The following MID1 variants were observed in gnomAD, a reference collection of about 807,000 sequenced individuals.
MID1 encodes midline 1, also known as E3 ubiquitin-protein ligase Midline-1.
MID1 carries 7 observed loss-of-function variants against 40.4 expected under a neutral mutation model. The ratio of observed to expected loss-of-function variants is 0.17; its 90% CI spans 0.10 to 0.33. The LOEUF (loss-of-function observed/expected upper bound fraction) is 0.33, where lower values mean the gene tolerates loss of function less well. Among genes scored for constraint, MID1 ranks in the 10% least tolerant of loss-of-function variants. The pLI is 1.00. For missense variants in MID1, 367 were observed against 558.5 expected (o/e 0.66, Z 3.46); for synonymous variants, 229 against 221.2 (o/e 1.04, Z -0.31).
intron 1 of MID1, among the ~76,000 whole-genome samples, chrX:10,590,719 T>C (rs1334627782): frequency 1.8e-5 from 2 of 112,544 alleles, no homozygotes; most frequent in Middle Eastern, 8.5e-3. Context: ...ATTCTTCTTG[T>C]ATTATCAAAG....
chrX:10,538,307 T>G (rs1602370715), intron 2 of MID1, among the ~76,000 whole-genome samples: 1 of 111,789 alleles, frequency 8.9e-6, no homozygotes, highest in Non-Finnish European at 1.9e-5. Flanking sequence ...ATGCTCTTCA[T>G]GTCTTCTATC....
At chrX:10,665,677 G>A (rs770435053) in intron 1 of MID1, among the ~76,000 whole-genome samples, 3 of 109,216 alleles carry the variant, frequency 2.7e-5, no homozygotes, top group South Asian at 4.1e-4. Flanking sequence ...GCAGGCACAC[G>A]CCACCACACC....
chrX:10,668,946 G>A (rs775723130), intron 1 of MID1, among the ~76,000 whole-genome samples: 394 of 111,629 alleles, frequency 3.5e-3, no homozygotes, highest in African/African-American at 0.012. Context: ...ACGGCCGGGC[G>A]CGGTGGCTCA....
intron 1 of MID1, among the ~76,000 whole-genome samples, chrX:10,712,632 T>G (rs1243644752): frequency 9.0e-6 from 1 of 110,499 alleles, no homozygotes; most frequent in Non-Finnish European, 1.9e-5. Flanking sequence ...ACCCACTTGG[T>G]CCTCTTCCAA....
chrX:10,777,476 C>A (rs1249565579), intron 1 of MID1, among the ~76,000 whole-genome samples: 1 of 110,683 alleles, frequency 9.0e-6, no homozygotes, highest in Non-Finnish European at 1.9e-5. Flanking sequence ...GGATTACAGG[C>A]TTGAGCCACC....
chrX:10,751,202 T>C (rs951623986), intron 1 of MID1, among the ~76,000 whole-genome samples: 1 of 109,320 alleles, frequency 9.1e-6, no homozygotes, highest in Non-Finnish European at 1.9e-5. Context: ...GAGGCGGAGA[T>C]TGCAGTGAGC....
chrX:10,669,075 C>T (rs1001272403), intron 1 of MID1, among the ~76,000 whole-genome samples: 3 of 105,522 alleles, frequency 2.8e-5, no homozygotes, highest in Non-Finnish European at 3.9e-5. Context: ...AAAAATTAGC[C>T]GGGCGCGGTG....
intron 1 of MID1, among the ~76,000 whole-genome samples, chrX:10,590,645 T>C (rs1935273563): frequency 8.9e-6 from 1 of 112,467 alleles, no homozygotes; most frequent in Admixed American, 9.3e-5. Context: ...ACAAATCCCA[T>C]AAACGCTAGG....
chrX:10,455,781 A>T (rs956853770), intron 8 of MID1, among the ~76,000 whole-genome samples: 5 of 112,213 alleles, frequency 4.5e-5, no homozygotes, highest in Admixed American at 1.9e-4. Context: ...AAAAAATGTG[A>T]TAGCAATGCC....
At chrX:10,717,692 G>A (rs1012250709) in intron 1 of MID1, among the ~76,000 whole-genome samples, 7 of 108,481 alleles carry the variant, frequency 6.5e-5, no homozygotes, top group Middle Eastern at 9.5e-3. Flanking sequence ...TGCACCAAGC[G>A]GACCTAATAG....
chrX:10,522,716 T>G (rs1179064884), intron 3 of MID1, among the ~76,000 whole-genome samples: 1 of 111,745 alleles, frequency 8.9e-6, no homozygotes, highest in African/African-American at 3.3e-5. Context: ...CAGGATGGTC[T>G]CGATCTCCTG....
At chrX:10,736,561 A>C (rs752766239) in intron 1 of MID1, among the ~76,000 whole-genome samples, 129 of 112,262 alleles carry the variant, frequency 1.1e-3, no homozygotes, top group African/African-American at 3.9e-3. Flanking sequence ...GGCTGTCTTC[A>C]GCCCTTGGAT....
At chrX:10,627,261 A>T (rs1207875728) in intron 1 of MID1, among the ~76,000 whole-genome samples, 1 of 112,043 alleles carries the variant, frequency 8.9e-6, no homozygotes, top group Non-Finnish European at 1.9e-5. Flanking sequence ...CAGAGAAATT[A>T]TATGCCTAAT....
chrX:10,480,714 A>G (rs755342523), intron 5 of MID1, among the ~76,000 whole-genome samples: 1 of 112,069 alleles, frequency 8.9e-6, no homozygotes, highest in South Asian at 3.8e-4. Context: ...GAGCATCTTA[A>G]GTACATAACA....
At chrX:10,615,298 T>C (rs1391819369) in intron 1 of MID1, among the ~76,000 whole-genome samples, 1 of 112,180 alleles carries the variant, frequency 8.9e-6, no homozygotes, top group African/African-American at 3.2e-5. Flanking sequence ...CTTACCAAAG[T>C]CATATTTGGA....
At chrX:10,519,119 T>C (rs995704766) in intron 3 of MID1, among the ~76,000 whole-genome samples, 2 of 111,917 alleles carry the variant, frequency 1.8e-5, no homozygotes, top group Non-Finnish European at 3.8e-5. Flanking sequence ...AAACCAGACA[T>C]TAATGCTTTA....
chrX:10,457,898 G>C (rs1224141994), intron 8 of MID1, among the ~76,000 whole-genome samples: 1 of 112,785 alleles, frequency 8.9e-6, no homozygotes, highest in Admixed American at 9.3e-5. Context: ...CACATCCCCT[G>C]CTCCTAACCT....
intron 8 of MID1, 148 bp from the exon 9 acceptor site, chrX:10,455,225 T>TTATATTTTAATAGTAATTTAA: frequency 2.0e-6 from 1 of 494,932 alleles, no homozygotes; most frequent in Non-Finnish European, 3.5e-6. Flanking sequence ...AAGTGGTATC[T>TTATATTTTAATAGTAATTTAA]TATATTTTAA....
rs1351375462 is a variant in MID1 at position 10,613,760 on chromosome X, GAGAGAGAGAC to G, written c.-57+6520_-57+6529del. 4.7e-3 allele frequency among the ~76,000 whole-genome samples: 410 copies of G among 87,987 alleles called. 3 individuals are homozygous for G. The highest frequency in any genetic ancestry group is 9.7e-3 in the African/African-American group (205 of 21,064). The allele number at this position is 87,987 out of a possible 115,157, so 76.4% of individuals were successfully genotyped here. A position where few individuals can be genotyped will look rare whatever the true frequency, so the allele number is the denominator to read the frequency against. On this transcript the variant is annotated intron_variant, in intron 1 of 9. Transcript: ENST00000317552. ...AGAGAGAGAGAGAGAGAGAGAGAGA[GAGAGAGAGAC>G]AGACAGACAGACAGACAGACAGAGA...
Sources: gnomAD v4.1 joint callset for allele counts (sites outside exome capture counted in the v4.1 genomes callset) on GRCh38, gnomAD v4.1.1 for gene constraint, MANE v1.5 for transcripts, NCBI Gene and HGNC (gene_info 2026-07-23, HGNC 2026-07-21) for gene names.